The following SHPRH variants were observed in gnomAD, a reference collection of about 807,000 sequenced individuals.
The protein encoded by SHPRH is SNF2 histone linker PHD RING helicase.
In SHPRH, 106 loss-of-function variants were observed where a neutral mutation model predicts 202.5. The ratio of observed to expected loss-of-function variants is 0.52; its 90% CI spans 0.45 to 0.62. SHPRH has a LOEUF of 0.62. Among genes scored for constraint, SHPRH ranks in the 20% least tolerant of loss-of-function variants. The pLI is 0.00. For missense variants in SHPRH, 1,710 were observed against 2,020.0 expected (o/e 0.85, Z 2.94); for synonymous variants, 729 against 686.0 (o/e 1.06, Z -0.98).
intron 25 of SHPRH, among the ~76,000 whole-genome samples, chr6:145,901,323 T>C (rs1210300210): frequency 6.6e-6 from 1 of 152,144 alleles, no homozygotes; most frequent in Non-Finnish European, 1.5e-5. Context: ...TTCATGTTTC[T>C]TCTATCTTAA....
chr6:145,874,722 A>G (rs1459625910), intron 2 of SHPRH, among the ~76,000 whole-genome samples: 1 of 152,170 alleles, frequency 6.6e-6, no homozygotes. Flanking sequence ...CTTTTAATAG[A>G]ATACAAACAG....
chr6:145,934,787 C>T, intron 13 of SHPRH, 120 bp downstream of exon 13: 1 of 940,332 alleles, frequency 1.1e-6, no homozygotes, highest in Non-Finnish European at 1.6e-6. Flanking sequence ...CAAAGAAAAC[C>T]CTCTACACCA....
chr6:145,946,837 G>A (rs1787438564), intron 6 of SHPRH, among the ~76,000 whole-genome samples: 1 of 151,864 alleles, frequency 6.6e-6, no homozygotes. Flanking sequence ...TGTGAGACTG[G>A]TGGGTCCTAG....
At chr6:145,960,699 G>A (rs1454097865) in intron 1 of SHPRH, among the ~76,000 whole-genome samples, 1 of 152,170 alleles carries the variant, frequency 6.6e-6, no homozygotes, top group African/African-American at 2.4e-5. Context: ...TAGCAGGATT[G>A]TGGTTAGAAA....
rs574862626 is a variant in SHPRH at position 145,886,810 on chromosome 6, A to G, written c.4956-23T>C. On this transcript the variant is annotated intron_variant, in intron 29 of 29. Coordinates refer to ENST00000275233, the MANE Select transcript of SHPRH (RefSeq NM_001042683.3). The stretch of plus-strand genomic sequence containing the variant: ...TGACTGCAAGGTTTCCCAAATGAGC[A>G]CAGTCAGAAAGAAACCCCAAGCCAT... The G allele has an allele frequency of 1.2e-4, 190 of 1,608,506 alleles. 2 individuals are homozygous for G. The South Asian group carries it at 2.1e-3, about 18-fold the overall frequency.
Position 145,885,406 on chromosome 6 carries a change from T to TA in SHPRH, c.*1284dup, listed in dbSNP as rs1275862856. 2 of 152,460 alleles carry TA rather than the reference T, an allele frequency of 1.3e-5. No homozygotes were observed. The highest frequency in any genetic ancestry group is 4.1e-4 in the South Asian group (2 of 4,824). 9.4% of individuals were successfully genotyped at this position (152,460 alleles called of 1,614,324 possible). On this transcript the variant is annotated 3_prime_UTR_variant, in exon 30 of 30. Transcript: ENST00000275233. ...AAACCTAGAGTAAGAAAATGCACCT[T>TA]AACTAAGCACCAAAGCCTCTCGGAC...
intron 2 of SHPRH, among the ~76,000 whole-genome samples, chr6:145,878,359 A>G (rs1257628111): frequency 2.0e-5 from 3 of 152,176 alleles, no homozygotes; most frequent in East Asian, 3.9e-4. Context: ...TGTACATTCT[A>G]TGGGTCCAGC....
rs1308137685 is a variant in SHPRH, at chr6:145,955,069, T to C, written c.254A>G (p.Lys85Arg). 1.2e-6 allele frequency: 2 copies of C among 1,613,234 alleles called. No homozygotes were observed. The highest frequency in any genetic ancestry group is 8.5e-7 in the Non-Finnish European group (1 of 1,179,944). ...KVVSFSKPIEKEETVGIFSPL... is the reference protein window; with the variant it reads ...KVVSFSKPIEREETVGIFSPL... ...GGAAAAAATACCAACAGTCTCTTCTTTTTCAATTGGTTTTGAGAAGCTCAC... is the reference window on the plus strand; with the variant it reads ...GGAAAAAATACCAACAGTCTCTTCTCTTTCAATTGGTTTTGAGAAGCTCAC... The change falls in exon 2 of 30, where the codon AAA (lysine) becomes AGA (arginine). Residue 85 changes from lysine (K) to arginine (R), a missense_variant. Physicochemically the swap from Lys to Arg is conservative, Grantham distance 26 (BLOSUM62 2). This residue lies in a region of SHPRH where 459 missense variants were observed against 426.5 expected (regional missense o/e 1.08). Transcript: ENST00000275233.
chr6:145,868,307 C>G (rs887239395), intron 2 of SHPRH, among the ~76,000 whole-genome samples: 4 of 152,124 alleles, frequency 2.6e-5, no homozygotes, highest in Admixed American at 2.6e-4. Flanking sequence ...GGGTTAGGAC[C>G]TCAACGTACA....
Position 145,941,879 on chromosome 6 carries a change from G to T in SHPRH, c.2239-5C>A. 1 of 1,612,682 alleles carries T rather than the reference G, an allele frequency of 6.2e-7. No individual in the cohort carries two copies. The highest frequency in any genetic ancestry group is 8.5e-7 in the Non-Finnish European group (1 of 1,179,340). ...TTTCTTCACTCCTTGATATACCTAG[G>T]AAATAATCAATACAGGCAGTTATTG... On this transcript the variant is annotated splice_region_variant and splice_polypyrimidine_tract_variant and intron_variant, in intron 9 of 29. Transcript: ENST00000275233.
chr6:145,948,995 T>A (rs1787696099), intron 4 of SHPRH, among the ~76,000 whole-genome samples: 2 of 152,022 alleles, frequency 1.3e-5, no homozygotes, highest in South Asian at 4.1e-4. Flanking sequence ...TTGGCTTCTT[T>A]AGAGATTAAT....
In SHPRH at chr6:145,952,368, T is replaced by G; in HGVS notation, c.744A>C (p.Leu248Phe). The change falls in exon 3 of 30, where the codon TTA becomes TTC. Residue 248 changes from leucine (L) to phenylalanine (F), a missense_variant. Around this residue, in one of 8 missense-constraint regions of SHPRH, gnomAD observed 459 missense variants for 426.5 expected, o/e 1.08. Coordinates refer to ENST00000275233, the MANE Select transcript of SHPRH (RefSeq NM_001042683.3). ...NQLMKKVMEK[L>F]HNSIIPDVLE... Reference sequence around the variant, plus strand: ...TATTACCTGGAATAATAGAATTGTGTAACTTTTCCATTACTTTCTTCATGA... The same window carrying G: ...TATTACCTGGAATAATAGAATTGTGGAACTTTTCCATTACTTTCTTCATGA... 1 of 1,603,046 alleles carries G rather than the reference T, an allele frequency of 6.2e-7. No homozygotes were observed. Among genetic ancestry groups the G allele is most frequent in the Admixed American group, 1.7e-5 (1 of 58,962 alleles).
rs1319328665 is a variant in SHPRH, at chr6:145,911,457, C to T, written c.4327-821G>A. 4.6e-5 allele frequency among the ~76,000 whole-genome samples: 7 copies of T among 152,152 alleles called. No homozygotes were observed. The South Asian group carries it at 6.2e-4, about 14-fold the overall frequency. ...TGTTTAAGAAACCCCTTGTCCTATTCGGGAAAAATAAAATAATCCTCTCTG... is the reference window on the plus strand; with the variant it reads ...TGTTTAAGAAACCCCTTGTCCTATTTGGGAAAAATAAAATAATCCTCTCTG... On this transcript the variant is annotated intron_variant, in intron 24 of 29. Coordinates refer to ENST00000275233, the MANE Select transcript of SHPRH (RefSeq NM_001042683.3).
At chr6:145,899,960 C>T (rs1353314661) in intron 25 of SHPRH, among the ~76,000 whole-genome samples, 2 of 152,074 alleles carry the variant, frequency 1.3e-5, no homozygotes, top group African/African-American at 2.4e-5. Context: ...AGATACACCA[C>T]CTCATTCCTG....
chr6:145,918,235 A>T lies in SHPRH; in HGVS notation c.4153-3T>A, dbSNP rs745403982. 5 of 1,519,820 alleles carry T rather than the reference A, an allele frequency of 3.3e-6. No homozygotes were observed. Among genetic ancestry groups the T allele is most frequent in the Non-Finnish European group, 4.4e-6 (5 of 1,136,760 alleles). 94.1% of individuals were successfully genotyped at this position (1,519,820 alleles called of 1,614,324 possible). A position where few individuals can be genotyped will look rare whatever the true frequency, so the allele number is the denominator to read the frequency against. ...AGTTTTATTCGGTTTTGTTCTACCT[A>T]AAGAAAATAAAAATAAAAACTTCTT... On this transcript the variant is annotated splice_polypyrimidine_tract_variant and splice_region_variant and intron_variant, in intron 22 of 29. Coordinates refer to ENST00000275233, the MANE Select transcript of SHPRH (RefSeq NM_001042683.3).
At chr6:145,873,599 G>A (rs980783958) in intron 2 of SHPRH, among the ~76,000 whole-genome samples, 1 of 151,660 alleles carries the variant, frequency 6.6e-6, no homozygotes, top group South Asian at 2.1e-4. Context: ...CCTGCTATGA[G>A]AAGAAACCAG....
rs118032340 is a variant in SHPRH, at chr6:145,869,890, G to A, written c.222-5399C>T. 3.4e-3 allele frequency among the ~76,000 whole-genome samples: 507 copies of A among 151,118 alleles called. 4 individuals carry two copies. Among genetic ancestry groups the A allele is most frequent in the Admixed American group, 5.8e-3 (88 of 15,178 alleles). The stretch of plus-strand genomic sequence containing the variant: ...TTCATAGTCACAAAATAATGTGTTG[G>A]GATTTTACTAGGGATTACGCTGAGC... On this transcript the variant is annotated intron_variant, in intron 2 of 2. Transcript: ENST00000417762.
rs892055333 is a variant in SHPRH at position 145,955,342 on chromosome 6, G to C, written c.-20C>G. 2 of 1,582,438 alleles carry C rather than the reference G, an allele frequency of 1.3e-6. No homozygotes were observed. The highest frequency in any genetic ancestry group is 2.7e-5 in the African/African-American group (2 of 74,322). On this transcript the variant is annotated 5_prime_UTR_variant, in exon 2 of 30. Transcript: ENST00000275233. ...GCTCATTTTCAAGTTTTCTTGGCTGGTAACTGTGAACTCTAGAGGACAAAT... is the reference window on the plus strand; with the variant it reads ...GCTCATTTTCAAGTTTTCTTGGCTGCTAACTGTGAACTCTAGAGGACAAAT...
chr6:145,953,842 G>A (rs1788221213), intron 2 of SHPRH, among the ~76,000 whole-genome samples: 1 of 151,960 alleles, frequency 6.6e-6, no homozygotes, highest in Non-Finnish European at 1.5e-5. Flanking sequence ...TATTTGGCCA[G>A]TGAATGACAG....
Sources: allele counts gnomAD v4.1 joint callset (sites outside exome capture counted in the v4.1 genomes callset), GRCh38; gene constraint gnomAD v4.1.1; regional missense constraint gnomAD v4.1.1; transcripts MANE v1.5; gene names NCBI Gene and HGNC (gene_info 2026-07-23, HGNC 2026-07-21).